Variants in CD2AP observed in about 807,000 individuals in gnomAD.
The protein encoded by CD2AP is CD2-associated protein.
A neutral mutation model predicts 85.1 loss-of-function variants in CD2AP; 46 were observed. The ratio of observed to expected loss-of-function variants is 0.54; its 90% CI spans 0.43 to 0.69. The LOEUF (loss-of-function observed/expected upper bound fraction) is 0.69, where lower values mean the gene tolerates loss of function less well. Among genes scored for constraint, CD2AP ranks in the 30% least tolerant of loss-of-function variants. CD2AP has a pLI of 0.00. For missense variants in CD2AP, 769 were observed against 729.5 expected (o/e 1.05, Z -0.62); for synonymous variants, 255 against 252.9 (o/e 1.01, Z -0.08).
At chr6:47,572,050 TCTG>T (rs1363658148) in intron 5 of CD2AP, among the ~76,000 whole-genome samples, 2 of 152,192 alleles carry the variant, frequency 1.3e-5, no homozygotes, top group Non-Finnish European at 2.9e-5. Flanking sequence ...ATTCCTGATT[TCTG>T]CTAACTAGAT....
At position 47,625,951 on chromosome 6, in the gene CD2AP, C is replaced by G. The variant is rs1315544305; in HGVS notation, c.*1724C>G. The G allele has an allele frequency of 2.0e-5, 3 of 151,798 alleles. No individual in the cohort carries two copies. Among genetic ancestry groups the G allele is most frequent in the African/African-American group, 4.8e-5 (2 of 41,402 alleles). The allele number at this position is 151,798 out of a possible 1,614,324, so 9.4% of individuals were successfully genotyped here. A position where few individuals can be genotyped will look rare whatever the true frequency, so the allele number is the denominator to read the frequency against. ...AATAGAATAGGTTTAAATGACTAGT[C>G]AAATGAATTATTTTCTTCTTGTTAA... On this transcript the variant is annotated 3_prime_UTR_variant, in exon 18 of 18. Coordinates refer to ENST00000359314, the MANE Select transcript of CD2AP (RefSeq NM_012120.3).
At chr6:47,592,691 T>G (rs994888226) in intron 11 of CD2AP, among the ~76,000 whole-genome samples, 1 of 152,144 alleles carries the variant, frequency 6.6e-6, no homozygotes, top group African/African-American at 2.4e-5. Context: ...TTAGCTTTCA[T>G]TAAAAACCCT....
At chr6:47,514,926 C>T (rs531260428) in intron 2 of CD2AP, among the ~76,000 whole-genome samples, 8 of 152,144 alleles carry the variant, frequency 5.3e-5, no homozygotes, top group South Asian at 2.1e-4. Context: ...GTGGCACGCA[C>T]CTGCAATCCC....
chr6:47,563,222 A>T (rs1767907381), intron 5 of CD2AP, among the ~76,000 whole-genome samples: 1 of 152,212 alleles, frequency 6.6e-6, no homozygotes, highest in South Asian at 2.1e-4. Context: ...TGCAAGTATC[A>T]CATCTCTAGG....
chr6:47,571,695 G>C (rs1768157780), intron 5 of CD2AP, among the ~76,000 whole-genome samples: 1 of 152,128 alleles, frequency 6.6e-6, no homozygotes. Context: ...TGTGAAGAAA[G>C]AGCAATTACT....
In CD2AP at chr6:47,609,163, C is replaced by T. The variant is rs146444716; in HGVS notation, c.1673C>T (p.Ala558Val). The T allele has an allele frequency of 7.1e-4, 1,153 of 1,613,250 alleles. 15 individuals carry two copies. In the South Asian group the frequency reaches 9.4e-3, roughly 13 times the overall value. The change falls in exon 16 of 18, where the codon GCA (alanine) becomes GTA (valine). Residue 558 changes from alanine (A) to valine (V), a missense_variant. Coordinates refer to ENST00000359314, the MANE Select transcript of CD2AP (RefSeq NM_012120.3). ...TCAACACCTTCCAGTGCTTCTAAAGCAAATACAACTGCTTTCCTGACTCCA... is the reference window on the plus strand; with the variant it reads ...TCAACACCTTCCAGTGCTTCTAAAGTAAATACAACTGCTTTCCTGACTCCA... ...YLSTPSSASK[A>V]NTTAFLTPLE...
At chr6:47,624,067 A>T in intron 17 of CD2AP, 119 bp from the exon 18 acceptor site, 1 of 808,142 alleles carries the variant, frequency 1.2e-6, no homozygotes, top group Non-Finnish European at 2.1e-6. Flanking sequence ...ACTGGATTTT[A>T]GGTCTGGAAA....
chr6:47,484,070 A>AT (rs920587749), intron 1 of CD2AP, among the ~76,000 whole-genome samples: 6 of 151,050 alleles, frequency 4.0e-5, no homozygotes, highest in Non-Finnish European at 7.4e-5. Flanking sequence ...TGCTTTTTAA[A>AT]TTTTTTTTTG....
At chr6:47,515,629 T>A (rs1766433526) in intron 2 of CD2AP, among the ~76,000 whole-genome samples, 1 of 152,224 alleles carries the variant, frequency 6.6e-6, no homozygotes, top group African/African-American at 2.4e-5. Flanking sequence ...ATGTGCTAGT[T>A]ATTAGAGAAA....
At chr6:47,544,173 T>A (rs1767306056) in intron 3 of CD2AP, among the ~76,000 whole-genome samples, 1 of 152,270 alleles carries the variant, frequency 6.6e-6, no homozygotes. Flanking sequence ...TTGAAATTTG[T>A]ACATCTTACT....
chr6:47,574,144 C>T lies in CD2AP; in HGVS notation c.622C>T (p.Pro208Ser), dbSNP rs1375230299. The change falls in exon 6 of 18, where the codon CCA becomes TCA. Residue 208 changes from proline (P) to serine (S), a missense_variant. By Grantham distance (74) the Pro-to-Ser change is moderately conservative. Transcript: ENST00000359314. ...AACTGCATCTGGATCAGTTACACAG[C>T]CAAAGAAAATTCGAGGAATTGGATT... ...SETASGSVTQ[P>S]KKIRGIGFGD... The T allele has an allele frequency of 6.2e-7, 1 of 1,613,738 alleles. No homozygotes were observed. The highest frequency in any genetic ancestry group is 8.5e-7 in the Non-Finnish European group (1 of 1,179,874).
At position 47,554,719 on chromosome 6, in the gene CD2AP, T is replaced by G; in HGVS notation, c.494T>G (p.Leu165Ter). Residue 165 changes from leucine to a stop codon, truncating the protein, a stop_gained, in exon 5 of 18, where the codon TTA (leucine) becomes TGA (stop). Transcript: ENST00000359314. LOFTEE classifies it high-confidence loss of function. ...GLFPSNFVKELEVTDDGETHE... is the reference protein window; with the variant it reads ...GLFPSNFVKE ...TTTCCCTCAAATTTTGTGAAAGAAT[T>G]AGAGGTAACAGATGATGGTGAAACT... is the stretch of plus-strand genomic sequence containing the variant. 1 of 1,613,652 alleles carries G rather than the reference T, an allele frequency of 6.2e-7. No homozygotes were observed. The highest frequency in any genetic ancestry group is 1.1e-5 in the South Asian group (1 of 91,046).
At chr6:47,490,973 A>T (rs1346494836) in intron 1 of CD2AP, among the ~76,000 whole-genome samples, 1 of 152,132 alleles carries the variant, frequency 6.6e-6, no homozygotes, top group Non-Finnish European at 1.5e-5. Context: ...AAAATAAATG[A>T]CGGAATTTCT....
chr6:47,561,307 A>G (rs552532944), intron 5 of CD2AP, among the ~76,000 whole-genome samples: 2 of 152,240 alleles, frequency 1.3e-5, no homozygotes, highest in South Asian at 4.1e-4. Flanking sequence ...GTCCTAGGCA[A>G]TCATAGATCT....
rs1769851258 is a variant in CD2AP at position 47,624,555 on chromosome 6, T to C, written c.*328T>C. 3.7e-6 allele frequency: 1 copy of C among 270,734 alleles called. No individual in the cohort carries two copies. Among genetic ancestry groups the C allele is most frequent in the Non-Finnish European group, 7.0e-6 (1 of 143,256 alleles). The allele number at this position is 270,734 out of a possible 1,614,324, so 16.8% of individuals were successfully genotyped here. On this transcript the variant is annotated 3_prime_UTR_variant, in exon 18 of 18. Transcript: ENST00000359314. The stretch of plus-strand genomic sequence containing the variant: ...AACTTGTATTATTTTTAAAGAGATC[T>C]ATACTATAAATATGGTGATATATTT...
rs1454505793 is a variant in CD2AP at position 47,558,949 on chromosome 6, G to T, written c.541+4183G>T. Among the ~76,000 whole-genome samples the T allele has an allele frequency of 7.2e-5, 11 of 152,220 alleles. No homozygotes were observed. In the East Asian group the frequency reaches 2.1e-3, roughly 29 times the overall value. ...TAGAGTTCGGCTATGAATCCATCTA[G>T]AGCTGAGCTTTTTTTTGGTTGGTAG... On this transcript the variant is annotated intron_variant, in intron 5 of 17. Transcript: ENST00000359314.
chr6:47,595,853 A>T lies in CD2AP; in HGVS notation c.1109-8A>T, dbSNP rs1460656838. On this transcript the variant is annotated splice_polypyrimidine_tract_variant and splice_region_variant and intron_variant, in intron 11 of 17. Transcript: ENST00000359314. Reference sequence around the variant, plus strand: ...TGTTAATAACTTGTGAAATATTTTAAATCTTAGATGAAAAATCAACACTGG... The same window carrying T: ...TGTTAATAACTTGTGAAATATTTTATATCTTAGATGAAAAATCAACACTGG... 6.2e-7 allele frequency: 1 copy of T among 1,608,630 alleles called. No homozygotes were observed.
chr6:47,606,239 G>T lies in CD2AP; in HGVS notation c.1492G>T (p.Gly498Ter). The change falls in exon 14 of 18, where the codon GGA becomes TGA. Residue 498 changes from glycine (G) to a stop codon, truncating the protein, a stop_gained. Transcript: ENST00000359314. LOFTEE classifies it high-confidence loss of function. The stretch of plus-strand genomic sequence containing the variant: ...CACTGCAAATAGACCAAAGATGCCT[G>T]GAAGAAGGTTGCCGGGCCGTTTCAA... ...HLTANRPKMPGRRLPGRFNGG... is the reference protein window; with the variant it reads ...HLTANRPKMP 1 of 1,611,204 alleles carries T rather than the reference G, an allele frequency of 6.2e-7. No individual in the cohort carries two copies. The highest frequency in any genetic ancestry group is 8.5e-7 in the Non-Finnish European group (1 of 1,177,592).
intron 12 of CD2AP, 24 bp downstream of exon 12, chr6:47,596,050 T>G (rs751486978): frequency 4.5e-6 from 7 of 1,569,496 alleles, no homozygotes; most frequent in Non-Finnish European, 6.1e-6. Flanking sequence ...AATTTTAAAT[T>G]AGCTTACTGA....
Sources: gnomAD v4.1 joint callset for allele counts (sites outside exome capture counted in the v4.1 genomes callset) on GRCh38, gnomAD v4.1.1 for gene constraint, MANE v1.5 for transcripts, NCBI Gene and HGNC (gene_info 2026-07-23, HGNC 2026-07-21) for gene names.